Variants in XPR1 observed in about 807,000 individuals in gnomAD.
The protein encoded by XPR1 is solute carrier family 53 member 1.
XPR1 carries 28 observed loss-of-function variants against 87.5 expected under a neutral mutation model. The ratio of observed to expected loss-of-function variants is 0.32; its 90% CI spans 0.24 to 0.44. The LOEUF is 0.44. XPR1 is among the 20% of genes least tolerant of loss of function. XPR1 has a pLI of 1.00. For synonymous variants in XPR1, 300 were observed against 306.1 expected (o/e 0.98, Z 0.21); for missense variants, 559 against 862.3 (o/e 0.65, Z 4.41).
At chr1:180,690,426 T>G (rs751737500) in intron 2 of XPR1, among the ~76,000 whole-genome samples, 1 of 152,152 alleles carries the variant, frequency 6.6e-6, no homozygotes, top group Non-Finnish European at 1.5e-5. Flanking sequence ...AACATGACGG[T>G]GAGTTTTAAT....
At chr1:180,704,247 T>G (rs1421281175) in intron 2 of XPR1, among the ~76,000 whole-genome samples, 2 of 120,542 alleles carry the variant, frequency 1.7e-5, no homozygotes, top group Non-Finnish European at 1.7e-5. Context: ...AGGTGCTGGA[T>G]ATATATATAT....
At chr1:180,816,663 C>T (rs1383416623) in intron 7 of XPR1, among the ~76,000 whole-genome samples, 2 of 152,128 alleles carry the variant, frequency 1.3e-5, no homozygotes, top group East Asian at 1.9e-4. Flanking sequence ...GCATAATGGA[C>T]GGCATAGCCA....
chr1:180,636,348 T>G (rs1654756378), intron 1 of XPR1, among the ~76,000 whole-genome samples: 1 of 152,220 alleles, frequency 6.6e-6, no homozygotes, highest in East Asian at 1.9e-4. Context: ...TATAGTATAG[T>G]GTGTTTAAGA....
At chr1:180,860,087 A>G (rs1558042008) in intron 11 of XPR1, among the ~76,000 whole-genome samples, 1 of 152,108 alleles carries the variant, frequency 6.6e-6, no homozygotes, top group Non-Finnish European at 1.5e-5. Context: ...AGATACACAT[A>G]TGACAATTAA....
chr1:180,856,057 C>T (rs1306009900), intron 11 of XPR1, among the ~76,000 whole-genome samples: 2 of 152,110 alleles, frequency 1.3e-5, no homozygotes, highest in African/African-American at 4.8e-5. Flanking sequence ...AAAGATTTCC[C>T]TTACCTCATT....
At chr1:180,821,735 C>T (rs1158312502) in intron 7 of XPR1, among the ~76,000 whole-genome samples, 1 of 152,184 alleles carries the variant, frequency 6.6e-6, no homozygotes, top group South Asian at 2.1e-4. Context: ...TTGTAGTATA[C>T]AGGTCTTTCA....
chr1:180,706,513 C>CT (rs1208663694), intron 2 of XPR1, among the ~76,000 whole-genome samples: 8 of 152,264 alleles, frequency 5.3e-5, no homozygotes, highest in Non-Finnish European at 8.8e-5. Context: ...GAAATACTGT[C>CT]TTTTTCATGT....
chr1:180,748,924 C>T (rs553623115), intron 2 of XPR1, among the ~76,000 whole-genome samples: 5 of 152,264 alleles, frequency 3.3e-5, no homozygotes, highest in East Asian at 1.9e-4. Flanking sequence ...CAAAACTGGA[C>T]GAGGTGGCTC....
At chr1:180,649,223 A>G (rs1349721790) in intron 1 of XPR1, among the ~76,000 whole-genome samples, 2 of 151,926 alleles carry the variant, frequency 1.3e-5, no homozygotes, top group Non-Finnish European at 2.9e-5. Flanking sequence ...CAGGTGATCG[A>G]GACCATCCTG....
chr1:180,861,191 T>A (rs895729445), intron 11 of XPR1, among the ~76,000 whole-genome samples: 7 of 152,088 alleles, frequency 4.6e-5, no homozygotes, highest in African/African-American at 1.7e-4. Flanking sequence ...AGCTTATTAT[T>A]AGGAAAATTA....
chr1:180,646,980 A>G (rs1353813284), intron 1 of XPR1, among the ~76,000 whole-genome samples: 2 of 152,202 alleles, frequency 1.3e-5, no homozygotes, highest in African/African-American at 4.8e-5. Context: ...TTGATTTATT[A>G]TGGTCTCTGT....
intron 7 of XPR1, among the ~76,000 whole-genome samples, chr1:180,813,556 G>A (rs12088431): frequency 0.043 from 6,541 of 152,050 alleles, 502 homozygotes; most frequent in African/African-American, 0.15. Context: ...TCTCTAGCAC[G>A]TAGAACACTG....
intron 9 of XPR1, among the ~76,000 whole-genome samples, chr1:180,829,146 A>C (rs550274575): frequency 6.6e-6 from 1 of 152,306 alleles, no homozygotes; most frequent in South Asian, 2.1e-4. Flanking sequence ...CAATGAGCTG[A>C]AATTGTACCA....
chr1:180,746,732 C>T (rs2102031478), intron 2 of XPR1, among the ~76,000 whole-genome samples: 1 of 152,252 alleles, frequency 6.6e-6, no homozygotes, highest in East Asian at 1.9e-4. Context: ...AAACTATCCG[C>T]TGTATTCCTA....
chr1:180,834,991 A>G lies in XPR1; in HGVS notation c.1252A>G (p.Ser418Gly). 4 of 1,614,030 alleles carry G rather than the reference A, an allele frequency of 2.5e-6. No individual in the cohort carries two copies. Among genetic ancestry groups the G allele is most frequent in the Non-Finnish European group, 3.4e-6 (4 of 1,180,000 alleles). ...CCTGGAATATATGATCTGCTTCTACAGTTTGGAGCTCAAATGGGATGAAAG... is the reference window on the plus strand; with the variant it reads ...CCTGGAATATATGATCTGCTTCTACGGTTTGGAGCTCAAATGGGATGAAAG... ...MDLEYMICFY[S>G]LELKWDESKG... The change falls in exon 10 of 15, where the codon AGT becomes GGT. Residue 418 changes from serine (S) to glycine (G), a missense_variant. Coordinates refer to ENST00000367590, the MANE Select transcript of XPR1 (RefSeq NM_004736.4).
intron 2 of XPR1, among the ~76,000 whole-genome samples, chr1:180,769,860 T>TCC (rs1440839743): frequency 6.6e-6 from 1 of 152,166 alleles, no homozygotes; most frequent in Non-Finnish European, 1.5e-5. Flanking sequence ...CAAACTGTTC[T>TCC]CCGTAGTGGT....
At chr1:180,680,875 G>T (rs981321216) in intron 1 of XPR1, among the ~76,000 whole-genome samples, 2 of 152,156 alleles carry the variant, frequency 1.3e-5, no homozygotes, top group Non-Finnish European at 2.9e-5. Flanking sequence ...ACATTATTCA[G>T]TATAAAAAGA....
intron 2 of XPR1, among the ~76,000 whole-genome samples, chr1:180,756,473 TAA>T (rs969584113): frequency 1.3e-5 from 2 of 152,238 alleles, no homozygotes; most frequent in Admixed American, 6.5e-5. Flanking sequence ...CTGCCCATTT[TAA>T]AATTGTGTAG....
chr1:180,764,093 A>G (rs1301016541), intron 2 of XPR1, among the ~76,000 whole-genome samples: 1 of 152,208 alleles, frequency 6.6e-6, no homozygotes, highest in Non-Finnish European at 1.5e-5. Flanking sequence ...TTGTCATTAT[A>G]GTGTATAAAT....
Sources: gnomAD v4.1 joint callset for allele counts (sites outside exome capture counted in the v4.1 genomes callset) on GRCh38, gnomAD v4.1.1 for gene constraint, MANE v1.5 for transcripts, NCBI Gene and HGNC (gene_info 2026-07-23, HGNC 2026-07-21) for gene names.